Variants in CTNND2 observed in about 807,000 individuals in gnomAD.
The protein encoded by CTNND2 is catenin delta 2.
A neutral mutation model predicts 144.4 loss-of-function variants in CTNND2; 22 were observed. The ratio of observed to expected loss-of-function variants is 0.15; its 90% CI spans 0.11 to 0.22. The LOEUF (loss-of-function observed/expected upper bound fraction) is 0.22. Ranked by LOEUF, CTNND2 falls within the 10% of genes least tolerant of loss-of-function variation. CTNND2 has a pLI of 1.00. For synonymous variants in CTNND2, 751 were observed against 695.6 expected (o/e 1.08, Z -1.25); for missense variants, 1,353 against 1,618.8 (o/e 0.84, Z 2.82).
At chr5:11,072,643 TCCCTTTG>T (rs1228508967) in intron 16 of CTNND2, among the ~76,000 whole-genome samples, 2 of 152,264 alleles carry the variant, frequency 1.3e-5, no homozygotes, top group African/African-American at 4.8e-5. Flanking sequence ...TCACTCAATG[TCCCTTTG>T]ACTGGAGTCT....
chr5:11,129,319 T>TAATATATATTATAC, intron 12 of CTNND2, among the ~76,000 whole-genome samples: 1 of 106,454 alleles, frequency 9.4e-6, no homozygotes, highest in African/African-American at 3.6e-5. Flanking sequence ...TATAAATATA[T>TAATATATATTATAC]ATAATATATA....
Position 11,159,670 on chromosome 5 carries a change from G to C in CTNND2, c.2065C>G (p.Pro689Ala). ...GGCGAATTTTCCCAGCCTGAGTGGGGGATAATCACCGCGTTGGTCAGTACT... is the reference window on the plus strand; with the variant it reads ...GGCGAATTTTCCCAGCCTGAGTGGGCGATAATCACCGCGTTGGTCAGTACT... ...LAVLTNAVII[P>A]HSGWENSPLQ... is the part of the protein sequence containing the mutation. Residue 689 changes from proline to alanine, a missense_variant, in exon 12 of 22, where the codon CCC (proline) becomes GCC (alanine). Physicochemically the swap from Pro to Ala is conservative, Grantham distance 27. Transcript: ENST00000304623. The C allele has an allele frequency of 6.2e-7, 1 of 1,613,524 alleles. No homozygotes were observed. Among genetic ancestry groups the C allele is most frequent in the Non-Finnish European group, 8.5e-7 (1 of 1,179,756 alleles).
intron 16 of CTNND2, among the ~76,000 whole-genome samples, chr5:11,080,264 G>A (rs1310657627): frequency 2.6e-5 from 4 of 152,110 alleles, no homozygotes; most frequent in Admixed American, 6.6e-5. Context: ...ACCACAATAA[G>A]TTATCACCTC....
At chr5:11,487,361 C>A (rs1206202900) in intron 3 of CTNND2, among the ~76,000 whole-genome samples, 1 of 152,154 alleles carries the variant, frequency 6.6e-6, no homozygotes, top group African/African-American at 2.4e-5. Context: ...TCCTTTATGT[C>A]CAGAAATATA....
At chr5:11,073,019 C>G (rs1748513524) in intron 16 of CTNND2, among the ~76,000 whole-genome samples, 1 of 152,216 alleles carries the variant, frequency 6.6e-6, no homozygotes, top group South Asian at 2.1e-4. Flanking sequence ...CTGTCCTTGC[C>G]TGCTCCGTAA....
At chr5:11,827,826 G>T (rs983557178) in intron 1 of CTNND2, among the ~76,000 whole-genome samples, 2 of 152,078 alleles carry the variant, frequency 1.3e-5, no homozygotes, top group African/African-American at 4.8e-5. Context: ...CACACAATTT[G>T]CTTCAAAGGT....
intron 11 of CTNND2, among the ~76,000 whole-genome samples, chr5:11,165,164 G>A (rs1399870795): frequency 6.6e-6 from 1 of 152,256 alleles, no homozygotes; most frequent in South Asian, 2.1e-4. Flanking sequence ...AACAAGAATA[G>A]AAAAATGTTA....
intron 2 of CTNND2, among the ~76,000 whole-genome samples, chr5:11,639,279 A>G (rs1202233172): frequency 1.3e-5 from 2 of 152,124 alleles, no homozygotes; most frequent in African/African-American, 4.8e-5. Flanking sequence ...CCTTGATTTC[A>G]GTTCTGGCTA....
At chr5:11,400,289 G>A (rs1006043731) in intron 5 of CTNND2, among the ~76,000 whole-genome samples, 1 of 152,102 alleles carries the variant, frequency 6.6e-6, no homozygotes, top group African/African-American at 2.4e-5. Flanking sequence ...TTCACCCAGG[G>A]AAACAGGCTA....
At chr5:11,693,271 G>A (rs921709555) in intron 2 of CTNND2, among the ~76,000 whole-genome samples, 2 of 152,148 alleles carry the variant, frequency 1.3e-5, no homozygotes, top group African/African-American at 4.8e-5. Flanking sequence ...CCAGCCCCCA[G>A]AACTCTGATA....
chr5:11,719,000 A>C (rs1786512624), intron 2 of CTNND2, among the ~76,000 whole-genome samples: 1 of 152,212 alleles, frequency 6.6e-6, no homozygotes, highest in Admixed American at 6.5e-5. Flanking sequence ...ACAGATTTCC[A>C]TGGGCATCCT....
intron 2 of CTNND2, among the ~76,000 whole-genome samples, chr5:11,604,061 T>C (rs1779934476): frequency 6.6e-6 from 1 of 152,230 alleles, no homozygotes; most frequent in Non-Finnish European, 1.5e-5. Context: ...TCAATATTAT[T>C]GGCTACTTCA....
intron 12 of CTNND2, among the ~76,000 whole-genome samples, chr5:11,146,360 G>T (rs995027692): frequency 3.9e-5 from 6 of 152,152 alleles, no homozygotes; most frequent in African/African-American, 1.4e-4. Flanking sequence ...AGTGCTGACA[G>T]GCTGACCACA....
chr5:11,751,335 G>T (rs1269171367), intron 1 of CTNND2, among the ~76,000 whole-genome samples: 1 of 151,680 alleles, frequency 6.6e-6, no homozygotes, highest in Non-Finnish European at 1.5e-5. Context: ...TCATCACCCA[G>T]GTAAGAAGCA....
intron 3 of CTNND2, among the ~76,000 whole-genome samples, chr5:11,446,617 C>T (rs1307601400): frequency 1.3e-5 from 2 of 152,130 alleles, no homozygotes; most frequent in Non-Finnish European, 2.9e-5. Context: ...GATAGGTTGC[C>T]TGCATGCTGC....
At chr5:11,153,346 T>G (rs1027552042) in intron 12 of CTNND2, among the ~76,000 whole-genome samples, 13 of 152,188 alleles carry the variant, frequency 8.5e-5, no homozygotes, top group Non-Finnish European at 2.9e-5. Context: ...AGTTTGGGGC[T>G]CATGATACAA....
chr5:11,006,038 C>T (rs1304722721), intron 18 of CTNND2, among the ~76,000 whole-genome samples: 1 of 151,952 alleles, frequency 6.6e-6, no homozygotes, highest in Admixed American at 6.6e-5. Context: ...TCTCATGAGA[C>T]AGGTTCTATT....
chr5:11,104,116 G>A (rs1158103847), intron 14 of CTNND2, among the ~76,000 whole-genome samples: 1 of 152,190 alleles, frequency 6.6e-6, no homozygotes, highest in Non-Finnish European at 1.5e-5. Flanking sequence ...CTTCACCAGC[G>A]GAATGCACCT....
intron 9 of CTNND2, among the ~76,000 whole-genome samples, chr5:11,334,713 G>C (rs1753561281): frequency 6.6e-6 from 1 of 152,220 alleles, no homozygotes; most frequent in Non-Finnish European, 1.5e-5. Context: ...AGAGCAGATA[G>C]ATAGGGTAGA....
Sources: allele counts gnomAD v4.1 joint callset (sites outside exome capture counted in the v4.1 genomes callset), GRCh38; gene constraint gnomAD v4.1.1; transcripts MANE v1.5; gene names NCBI Gene and HGNC (gene_info 2026-07-23, HGNC 2026-07-21).